The following RARB variants were observed in gnomAD, a reference collection of about 807,000 sequenced individuals.
RARB encodes the protein retinoic acid receptor beta.
RARB carries 17 observed loss-of-function variants against 51.9 expected under a neutral mutation model. That is an observed-to-expected ratio of 0.33 (90% confidence interval 0.22 to 0.49). RARB has a LOEUF of 0.49. Ranked by LOEUF, RARB falls within the 20% of genes least tolerant of loss-of-function variation. The pLI, the probability that RARB is intolerant of heterozygous loss-of-function variation, is 0.99. For synonymous variants in RARB, 215 were observed against 195.4 expected (o/e 1.10, Z -0.84); for missense variants, 369 against 550.8 (o/e 0.67, Z 3.30).
At chr3:25,182,167 G>A (rs1266602048) in intron 5 of RARB, among the ~76,000 whole-genome samples, 1 of 152,152 alleles carries the variant, frequency 6.6e-6, no homozygotes, top group Non-Finnish European at 1.5e-5. Context: ...TGGTTCCAAA[G>A]GGTTGAGAAT....
chr3:24,998,020 C>G (rs1338200066), intron 2 of RARB, among the ~76,000 whole-genome samples: 1 of 152,048 alleles, frequency 6.6e-6, no homozygotes, highest in African/African-American at 2.4e-5. Flanking sequence ...TATACTTTGT[C>G]CAACTCAGTG....
chr3:25,257,701 C>G (rs1293806703), intron 5 of RARB, among the ~76,000 whole-genome samples: 1 of 152,084 alleles, frequency 6.6e-6, no homozygotes, highest in Non-Finnish European at 1.5e-5. Flanking sequence ...TATCTGCTCT[C>G]TATTTACAGA....
At chr3:25,028,861 C>T (rs967244120) in intron 2 of RARB, among the ~76,000 whole-genome samples, 4 of 152,168 alleles carry the variant, frequency 2.6e-5, no homozygotes, top group South Asian at 4.1e-4. Context: ...TTACTTGTCC[C>T]GTTCTGGGGC....
chr3:24,890,610 G>C (rs527883777), intron 2 of RARB, among the ~76,000 whole-genome samples: 2 of 152,282 alleles, frequency 1.3e-5, no homozygotes, highest in African/African-American at 2.4e-5. Context: ...CCCCTCAAAA[G>C]AAATGACTTT....
chr3:25,113,536 G>A (rs1211235534), intron 3 of RARB, among the ~76,000 whole-genome samples: 1 of 152,116 alleles, frequency 6.6e-6, no homozygotes, highest in East Asian at 1.9e-4. Flanking sequence ...GAGAAAAATT[G>A]TAATTCCTTT....
chr3:24,895,171 T>G (rs1703452815), intron 2 of RARB, among the ~76,000 whole-genome samples: 2 of 152,238 alleles, frequency 1.3e-5, no homozygotes. Context: ...TAATCTCTAT[T>G]TCTTCAAATG....
At chr3:25,565,441 CTATTAT>C (rs144655011) in intron 3 of RARB, among the ~76,000 whole-genome samples, 8 of 151,954 alleles carry the variant, frequency 5.3e-5, no homozygotes, top group African/African-American at 1.9e-4. Context: ...TGCCAATATT[CTATTAT>C]TATTATTATT....
At chr3:25,130,894 A>ATAT (rs1398183491) in intron 3 of RARB, among the ~76,000 whole-genome samples, 1 of 42,676 alleles carries the variant, frequency 2.3e-5, no homozygotes, top group Non-Finnish European at 4.3e-5. Flanking sequence ...ATTATTGATA[A>ATAT]TATCAATATT....
At chr3:25,481,743 T>A (rs1696233704) in intron 2 of RARB, among the ~76,000 whole-genome samples, 2 of 152,246 alleles carry the variant, frequency 1.3e-5, no homozygotes, top group Admixed American at 1.3e-4. Context: ...CCTTACTCTT[T>A]GTTTTTAGCT....
intron 3 of RARB, among the ~76,000 whole-genome samples, chr3:25,095,785 A>G (rs1699282838): frequency 6.6e-6 from 1 of 152,168 alleles, no homozygotes; most frequent in South Asian, 2.1e-4. Context: ...AATGATAGAA[A>G]TAAGTATTGT....
chr3:25,463,653 C>T (rs1183069957), intron 2 of RARB, among the ~76,000 whole-genome samples: 3 of 149,984 alleles, frequency 2.0e-5, no homozygotes, highest in Non-Finnish European at 3.0e-5. Flanking sequence ...CAGAGTGAGA[C>T]TCCATCTCAA....
chr3:25,136,104 G>C (rs917099356), intron 4 of RARB, among the ~76,000 whole-genome samples: 1 of 151,848 alleles, frequency 6.6e-6, no homozygotes, highest in Non-Finnish European at 1.5e-5. Context: ...TAAGAATAAC[G>C]TGCTGTCCGA....
intron 3 of RARB, among the ~76,000 whole-genome samples, chr3:25,540,372 A>G (rs965806589): frequency 2.1e-5 from 3 of 145,980 alleles, no homozygotes; most frequent in African/African-American, 8.0e-5. Flanking sequence ...GCAGGCCCCA[A>G]CTCTTTGGTC....
chr3:24,863,237 C>A (rs1337619274), intron 2 of RARB, among the ~76,000 whole-genome samples: 2 of 152,162 alleles, frequency 1.3e-5, no homozygotes, highest in Non-Finnish European at 2.9e-5. Flanking sequence ...TACAAGGATT[C>A]CACCCAAGAT....
intron 2 of RARB, among the ~76,000 whole-genome samples, chr3:24,872,354 T>C (rs2362771): frequency 0.74 from 111,955 of 152,124 alleles, 42,260 homozygotes; most frequent in African/African-American, 0.89. Context: ...CCTAATCCCC[T>C]CATCTCTGTC....
chr3:25,594,697 A>T lies in RARB; in HGVS notation c.1150+19A>T, dbSNP rs1701747366. 1 of 1,578,980 alleles carries T rather than the reference A, an allele frequency of 6.3e-7. No individual in the cohort carries two copies. ...GCTAAAGGTATGTCTTCGTGCTCTC[A>T]GTACTGTAGTCACACAGTGGACTTG... On this transcript the variant is annotated intron_variant, in intron 7 of 7. Coordinates refer to ENST00000330688, the MANE Select transcript of RARB (RefSeq NM_000965.5).
At chr3:24,963,703 G>T (rs1234566840) in intron 2 of RARB, among the ~76,000 whole-genome samples, 1 of 151,784 alleles carries the variant, frequency 6.6e-6, no homozygotes, top group Non-Finnish European at 1.5e-5. Flanking sequence ...AGTGTGGGCC[G>T]AGCATCTCTG....
intron 2 of RARB, among the ~76,000 whole-genome samples, chr3:24,965,089 A>G (rs1241714708): frequency 6.6e-6 from 1 of 152,122 alleles, no homozygotes; most frequent in Non-Finnish European, 1.5e-5. Flanking sequence ...TCCTTTCTAC[A>G]TTGGGTGCTA....
Position 24,853,195 on chromosome 3 carries a change from T to C in RARB, c.-458-5479T>C, listed in dbSNP as rs138758299. Among the ~76,000 whole-genome samples, 237 of 149,948 alleles carry C rather than the reference T, an allele frequency of 1.6e-3. 1 individual carries two copies. The highest frequency in any genetic ancestry group is 2.7e-3 in the Non-Finnish European group (186 of 67,670). The stretch of plus-strand genomic sequence containing the variant: ...AGCCAGGCATGGTGGCAGGCACCTG[T>C]AGTCCCAGCTACTGGGGAGGCTGAG... On this transcript the variant is annotated intron_variant, in intron 1 of 11. Transcript: ENST00000383772.
Sources: allele counts gnomAD v4.1 joint callset (sites outside exome capture counted in the v4.1 genomes callset), GRCh38; gene constraint gnomAD v4.1.1; transcripts MANE v1.5; gene names NCBI Gene and HGNC (gene_info 2026-07-23, HGNC 2026-07-21).